Variants in DIP2C observed in about 807,000 individuals in gnomAD.
DIP2C encodes the protein DIP2 acetate--CoA ligase C (putative).
DIP2C carries 33 observed loss-of-function variants against 192.4 expected under a neutral mutation model. That is an observed-to-expected ratio of 0.17 (90% confidence interval 0.13 to 0.23). DIP2C has a LOEUF of 0.23. Ranked by LOEUF, DIP2C falls within the 10% of genes least tolerant of loss-of-function variation. The pLI is 1.00. For missense variants in DIP2C, 1,537 were observed against 2,110.1 expected, an observed-to-expected ratio of 0.73 and a Z score of 5.32; for synonymous variants, 979 against 864.1, an observed-to-expected ratio of 1.13 and a Z score of -2.33.
chr10:520,385 G>T (rs1846621190), intron 1 of DIP2C, among the ~76,000 whole-genome samples: 1 of 152,254 alleles, frequency 6.6e-6, no homozygotes, highest in South Asian at 2.1e-4. Flanking sequence ...ATTAATTTAA[G>T]ATGGGGGAAG....
chr10:428,518 G>C (rs1846729572), intron 4 of DIP2C, among the ~76,000 whole-genome samples: 1 of 152,156 alleles, frequency 6.6e-6, no homozygotes, highest in South Asian at 2.1e-4. Context: ...GTCATGCATT[G>C]TTCAAATGCT....
rs2132095980 is a variant in DIP2C at position 274,640 on chromosome 10, ACT to A, written c.*2683_*2684del. The stretch of plus-strand genomic sequence containing the variant: ...ATGAGTTTCTCTAACCAGTCACCAC[ACT>A]CTGAAATAACGCTGCTAACATTCAA... On this transcript the variant is annotated 3_prime_UTR_variant, in exon 37 of 37. Coordinates refer to ENST00000280886, the MANE Select transcript of DIP2C (RefSeq NM_014974.3). 1 of 152,252 alleles carries A rather than the reference ACT, an allele frequency of 6.6e-6. No homozygotes were observed. The highest frequency in any genetic ancestry group is 2.1e-4 in the South Asian group (1 of 4,816). The allele number at this position is 152,252 out of a possible 1,614,324, so 9.4% of individuals were successfully genotyped here.
chr10:524,063 C>T (rs1846902578), intron 1 of DIP2C, among the ~76,000 whole-genome samples: 1 of 151,390 alleles, frequency 6.6e-6, no homozygotes, highest in Non-Finnish European at 1.5e-5. Flanking sequence ...CCACCTCCCG[C>T]CCTCAGTTCT....
At chr10:308,787 C>T (rs1956445780) in intron 32 of DIP2C, among the ~76,000 whole-genome samples, 1 of 152,150 alleles carries the variant, frequency 6.6e-6, no homozygotes, top group Admixed American at 6.5e-5. Context: ...GACCAGAGGG[C>T]CTGATGGAAG....
intron 1 of DIP2C, among the ~76,000 whole-genome samples, chr10:525,161 C>G (rs1288667202): frequency 6.6e-6 from 1 of 152,172 alleles, no homozygotes; most frequent in Non-Finnish European, 1.5e-5. Context: ...TTAAAACCCA[C>G]AGCATATCTC....
intron 1 of DIP2C, among the ~76,000 whole-genome samples, chr10:566,600 C>G (rs11253223): frequency 6.6e-6 from 1 of 152,250 alleles, no homozygotes; most frequent in African/African-American, 2.4e-5. Context: ...TCTCCAGAGG[C>G]GAGGGCCCAT....
At position 573,082 on chromosome 10, in the gene DIP2C, A is replaced by G. The variant is rs187281692; in HGVS notation, c.86-86552T>C. Among the ~76,000 whole-genome samples the G allele has an allele frequency of 3.1e-3, 468 of 152,314 alleles. 6 individuals are homozygous for G. The highest frequency in any genetic ancestry group is 2.6e-3 in the Non-Finnish European group (177 of 68,032). The stretch of plus-strand genomic sequence containing the variant: ...ATTTTCATTCTCGGAGGGAAATGCT[A>G]CAAAGCACGTACATTTTAGCATGTA... On this transcript the variant is annotated intron_variant, in intron 1 of 36. Transcript: ENST00000280886.
chr10:382,828 A>G (rs1962501069), intron 16 of DIP2C, 67 bp from the exon 17 acceptor site: 1 of 1,185,452 alleles, frequency 8.4e-7, no homozygotes, highest in African/African-American at 1.5e-5. Flanking sequence ...ATCCCACCAT[A>G]GAAAATAGTT....
chr10:340,257 T>C (rs1237059158), intron 29 of DIP2C, among the ~76,000 whole-genome samples: 1 of 152,140 alleles, frequency 6.6e-6, no homozygotes, highest in Non-Finnish European at 1.5e-5. Context: ...GTCTCAGTTT[T>C]ATAAATATAT....
intron 9 of DIP2C, among the ~76,000 whole-genome samples, chr10:406,743 C>A (rs1443171596): frequency 6.6e-6 from 1 of 152,090 alleles, no homozygotes; most frequent in African/African-American, 2.4e-5. Flanking sequence ...CTGCATGACC[C>A]TAAAGGGGTC....
chr10:672,679 T>C (rs1256786495), intron 1 of DIP2C, among the ~76,000 whole-genome samples: 2 of 152,230 alleles, frequency 1.3e-5, no homozygotes, highest in Admixed American at 6.5e-5. Flanking sequence ...TCAAGAGTGG[T>C]CACTTTTCCT....
At chr10:398,921 G>A (rs1467417061) in intron 10 of DIP2C, among the ~76,000 whole-genome samples, 188 bp downstream of exon 10, 1 of 152,168 alleles carries the variant, frequency 6.6e-6, no homozygotes, top group Admixed American at 6.6e-5. Flanking sequence ...CCCAAAGCAA[G>A]CTGTGCTCCA....
In DIP2C at chr10:390,683, AC is replaced by A; in HGVS notation, c.1384+56del. The A allele has an allele frequency of 5.1e-6, 8 of 1,578,170 alleles. No homozygotes were observed. In the South Asian group the frequency reaches 8.1e-5, roughly 16 times the overall value. On this transcript the variant is annotated intron_variant, in intron 11 of 36. Transcript: ENST00000280886. ...CCGAGGCGGGGTGACGTATTCCCGC[AC>A]CCGTCTTCTGACAAAGGACGTGGGC...
At chr10:333,493 T>C (rs979432907) in intron 29 of DIP2C, among the ~76,000 whole-genome samples, 1 of 152,102 alleles carries the variant, frequency 6.6e-6, no homozygotes, top group Non-Finnish European at 1.5e-5. Context: ...GAGCTCATCC[T>C]GTGCAGAAGC....
intron 3 of DIP2C, among the ~76,000 whole-genome samples, chr10:464,968 A>G (rs1970088653): frequency 6.6e-6 from 1 of 151,136 alleles, no homozygotes; most frequent in African/African-American, 2.4e-5. Flanking sequence ...ACAAGGAGGA[A>G]CTGGTACCAT....
intron 3 of DIP2C, among the ~76,000 whole-genome samples, chr10:444,621 G>A (rs953800997): frequency 5.9e-5 from 9 of 152,104 alleles, no homozygotes; most frequent in African/African-American, 1.9e-4. Flanking sequence ...CATTCATGAG[G>A]AGTGTTCCTT....
At chr10:290,437 T>A (rs1955432526) in intron 32 of DIP2C, among the ~76,000 whole-genome samples, 1 of 152,200 alleles carries the variant, frequency 6.6e-6, no homozygotes, top group Non-Finnish European at 1.5e-5. Flanking sequence ...ACAAATGTGC[T>A]CTCCTCTGGA....
chr10:628,647 G>T (rs369235453), intron 1 of DIP2C: 14 of 153,058 alleles, frequency 9.1e-5, no homozygotes, highest in African/African-American at 3.1e-4. Flanking sequence ...CAGGAGAAGG[G>T]GCTGTGCTGC....
intron 2 of DIP2C, among the ~76,000 whole-genome samples, chr10:484,273 C>G (rs1043154481): frequency 6.6e-6 from 1 of 152,202 alleles, no homozygotes; most frequent in Admixed American, 6.5e-5. Context: ...TAATTCTTAC[C>G]TTTGAACAGA....
Sources: gnomAD v4.1 joint callset for allele counts (sites outside exome capture counted in the v4.1 genomes callset) on GRCh38, gnomAD v4.1.1 for gene constraint, MANE v1.5 for transcripts, NCBI Gene and HGNC (gene_info 2026-07-23, HGNC 2026-07-21) for gene names.